The following SLC24A3 variants were observed in gnomAD, a reference collection of about 807,000 sequenced individuals.
SLC24A3 encodes sodium/potassium/calcium exchanger 3.
Under a neutral mutation model 75.8 loss-of-function variants are expected in SLC24A3, and 28 were observed. That is an observed-to-expected ratio of 0.37 (90% CI 0.27 to 0.51). The LOEUF is 0.51. SLC24A3 is among the 20% of genes least tolerant of loss of function. The probability of loss-of-function intolerance (pLI) is 0.94; values close to 1 mark genes in which losing one functional copy is unlikely to be tolerated. For synonymous variants in SLC24A3, 372 were observed against 334.1 expected, an observed-to-expected ratio of 1.11 and a Z score of -1.24; for missense variants, 663 against 847.8, an observed-to-expected ratio of 0.78 and a Z score of 2.71.
chr20:19,406,810 G>T (rs1198671460), intron 2 of SLC24A3, among the ~76,000 whole-genome samples: 1 of 152,186 alleles, frequency 6.6e-6, no homozygotes, highest in Non-Finnish European at 1.5e-5. Context: ...CCAAAGCACA[G>T]TGAGGTTATT....
At chr20:19,530,201 G>A (rs947678381) in intron 3 of SLC24A3, among the ~76,000 whole-genome samples, 8 of 152,190 alleles carry the variant, frequency 5.3e-5, no homozygotes, top group African/African-American at 1.9e-4. Context: ...AAGGGGAACG[G>A]AAGGGGTCTC....
intron 2 of SLC24A3, among the ~76,000 whole-genome samples, chr20:19,505,676 C>T (rs1988452206): frequency 6.6e-6 from 1 of 152,040 alleles, no homozygotes; most frequent in Non-Finnish European, 1.5e-5. Flanking sequence ...GTTATCTCAT[C>T]CAGGTAATGA....
rs1455322751 is a variant in SLC24A3, at chr20:19,230,662, G to C, written c.142+17678G>C. Among the ~76,000 whole-genome samples the C allele has an allele frequency of 2.2e-4, 6 of 27,322 alleles. 1 individual carries two copies. Among genetic ancestry groups the C allele is most frequent in the Non-Finnish European group, 3.9e-4 (6 of 15,388 alleles). 17.9% of individuals were successfully genotyped at this position (27,322 alleles called of 152,430 possible). A position where few individuals can be genotyped will look rare whatever the true frequency, so the allele number is the denominator to read the frequency against. On this transcript the variant is annotated intron_variant, in intron 1 of 16. Transcript: ENST00000328041. ...GATGGGTATAGAAAGACATATTGAT[G>C]GGGGGGGTGCCCTTTACAACAGTTC...
At chr20:19,518,837 A>G (rs2030046473) in intron 3 of SLC24A3, among the ~76,000 whole-genome samples, 1 of 152,242 alleles carries the variant, frequency 6.6e-6, no homozygotes, top group South Asian at 2.1e-4. Context: ...GGACATAGAA[A>G]AAGGCTCAGG....
intron 2 of SLC24A3, among the ~76,000 whole-genome samples, chr20:19,464,199 T>G (rs1987726861): frequency 2.0e-5 from 3 of 152,214 alleles, no homozygotes; most frequent in African/African-American, 7.2e-5. Context: ...TATGTCTTCT[T>G]AGAGCTGGAC....
At chr20:19,550,688 G>A (rs537256614) in intron 3 of SLC24A3, among the ~76,000 whole-genome samples, 1 of 152,296 alleles carries the variant, frequency 6.6e-6, no homozygotes, top group East Asian at 1.9e-4. Context: ...TGGCCTACTG[G>A]ACCCTTATAT....
chr20:19,583,055 G>A (rs2031240992), intron 4 of SLC24A3, among the ~76,000 whole-genome samples: 1 of 152,194 alleles, frequency 6.6e-6, no homozygotes, highest in Admixed American at 6.5e-5. Flanking sequence ...CAAGCTCTAT[G>A]CCAGGGGCTG....
In SLC24A3 at chr20:19,422,623, T is replaced by C. The variant is rs1486422830; in HGVS notation, c.272-92865T>C. On this transcript the variant is annotated intron_variant, in intron 2 of 16. Coordinates refer to ENST00000328041, the MANE Select transcript of SLC24A3 (RefSeq NM_020689.4). ...ACTTTAAAAAATACTGATGCCTCTG[T>C]TCCTTCCGCAGAGTGAGGTAAGTAA... is the stretch of plus-strand genomic sequence containing the variant. 2.0e-5 allele frequency among the ~76,000 whole-genome samples: 3 copies of C among 152,222 alleles called. No homozygotes were observed. In the East Asian group the frequency reaches 5.8e-4, roughly 29 times the overall value.
chr20:19,574,238 T>C (rs2031096779), intron 3 of SLC24A3, among the ~76,000 whole-genome samples: 1 of 152,190 alleles, frequency 6.6e-6, no homozygotes, highest in Non-Finnish European at 1.5e-5. Context: ...TCCCTGGAAG[T>C]TTACTTTGTC....
intron 3 of SLC24A3, among the ~76,000 whole-genome samples, chr20:19,565,686 A>G (rs1227393324): frequency 6.6e-6 from 1 of 152,064 alleles, no homozygotes; most frequent in East Asian, 1.9e-4. Context: ...GATTCCTATC[A>G]CCTGAGAGCC....
intron 6 of SLC24A3, among the ~76,000 whole-genome samples, chr20:19,639,571 T>C (rs1337286123): frequency 6.6e-6 from 1 of 152,228 alleles, no homozygotes; most frequent in Non-Finnish European, 1.5e-5. Context: ...CTTCACCCAG[T>C]GGATCCCGCA....
chr20:19,270,523 G>A (rs1452505621), intron 1 of SLC24A3, among the ~76,000 whole-genome samples: 2 of 152,104 alleles, frequency 1.3e-5, no homozygotes, highest in Non-Finnish European at 2.9e-5. Context: ...GCCCTCTTCT[G>A]AATTGCATAC....
At chr20:19,367,774 G>T (rs1985920353) in intron 2 of SLC24A3, among the ~76,000 whole-genome samples, 1 of 152,202 alleles carries the variant, frequency 6.6e-6, no homozygotes, top group Non-Finnish European at 1.5e-5. Context: ...ACAAGGTCTG[G>T]AGGATCTCAG....
In SLC24A3 at chr20:19,561,240, G is replaced by A. The variant is rs556399064; in HGVS notation, c.349-18760G>A. Among the ~76,000 whole-genome samples the A allele has an allele frequency of 5.3e-5, 8 of 152,274 alleles. No homozygotes were observed. In the South Asian group the frequency reaches 1.7e-3, roughly 32 times the overall value. ...GCTATGGCTCTGTCTTCTCCACTGGGGAAATGTCCCACAGATGTGGAACAG... is the reference window on the plus strand; with the variant it reads ...GCTATGGCTCTGTCTTCTCCACTGGAGAAATGTCCCACAGATGTGGAACAG... On this transcript the variant is annotated intron_variant, in intron 3 of 16. Coordinates refer to ENST00000328041, the MANE Select transcript of SLC24A3 (RefSeq NM_020689.4).
In SLC24A3 at chr20:19,665,851, T is replaced by C. The variant is rs1259046395; in HGVS notation, c.688-13T>C. The C allele has an allele frequency of 6.9e-6, 11 of 1,599,472 alleles. No individual in the cohort carries two copies. Among genetic ancestry groups the C allele is most frequent in the East Asian group, 2.2e-5 (1 of 44,796 alleles). On this transcript the variant is annotated splice_polypyrimidine_tract_variant and intron_variant, in intron 7 of 16. Transcript: ENST00000328041. ...TGTGTGTCTAATCTTCTATTCTTTTTATTTTTTCACAGTTTATTTATGATG... is the reference window on the plus strand; with the variant it reads ...TGTGTGTCTAATCTTCTATTCTTTTCATTTTTTCACAGTTTATTTATGATG...
intron 2 of SLC24A3, among the ~76,000 whole-genome samples, chr20:19,317,399 C>G (rs1055394647): frequency 2.0e-5 from 3 of 152,218 alleles, no homozygotes; most frequent in Non-Finnish European, 1.5e-5. Context: ...TCTGTTTCTC[C>G]TCAATTGCCA....
chr20:19,397,900 A>G (rs1986484990), intron 2 of SLC24A3, among the ~76,000 whole-genome samples: 2 of 152,142 alleles, frequency 1.3e-5, no homozygotes, highest in African/African-American at 4.8e-5. Context: ...ACAGAGAATG[A>G]GAAAGCTGAC....
At chr20:19,688,278 G>A (rs190113819) in intron 12 of SLC24A3, among the ~76,000 whole-genome samples, 1 of 152,342 alleles carries the variant, frequency 6.6e-6, no homozygotes, top group Non-Finnish European at 1.5e-5. Context: ...AGCACGGAGA[G>A]GCTAGAGACC....
chr20:19,580,127 T>TACAGG, intron 4 of SLC24A3, 53 bp downstream of exon 4: 1 of 1,503,400 alleles, frequency 6.7e-7, no homozygotes, highest in Non-Finnish European at 9.2e-7. Flanking sequence ...ACTGGACCTG[T>TACAGG]GCCCTGTACT....
Sources: allele counts gnomAD v4.1 joint callset (sites outside exome capture counted in the v4.1 genomes callset), GRCh38; gene constraint gnomAD v4.1.1; transcripts MANE v1.5; gene names NCBI Gene and HGNC (gene_info 2026-07-23, HGNC 2026-07-21).